PRKCE: variants seen among roughly 807,000 people sequenced by gnomAD.
PRKCE encodes protein kinase C epsilon.
A neutral mutation model predicts 85.4 loss-of-function variants in PRKCE; 16 were observed. The ratio of observed to expected loss-of-function variants is 0.19; its 90% CI spans 0.13 to 0.28. The LOEUF (loss-of-function observed/expected upper bound fraction) is 0.28, where lower values mean the gene tolerates loss of function less well. PRKCE is among the 10% of genes least tolerant of loss of function. PRKCE has a pLI of 1.00. For missense variants in PRKCE, 573 were observed against 975.2 expected (o/e 0.59, Z 5.49); for synonymous variants, 388 against 371.5 (o/e 1.04, Z -0.51).
chr2:45,844,803 C>T (rs1254915281), intron 2 of PRKCE, among the ~76,000 whole-genome samples: 2 of 152,110 alleles, frequency 1.3e-5, no homozygotes, highest in Non-Finnish European at 2.9e-5. Flanking sequence ...TAGAAGACAT[C>T]CTTTTTTACA....
chr2:46,012,097 T>C (rs968539460), intron 10 of PRKCE, among the ~76,000 whole-genome samples: 1 of 152,212 alleles, frequency 6.6e-6, no homozygotes, highest in East Asian at 1.9e-4. Context: ...TAATAGAGAC[T>C]CAGTGATGGA....
chr2:45,805,738 A>G (rs1020467139), intron 1 of PRKCE, among the ~76,000 whole-genome samples: 8 of 152,058 alleles, frequency 5.3e-5, no homozygotes, highest in African/African-American at 1.9e-4. Flanking sequence ...CTGGGATTAC[A>G]GGCACCTGCC....
At chr2:45,899,758 G>A (rs1173842318) in intron 2 of PRKCE, among the ~76,000 whole-genome samples, 1 of 152,178 alleles carries the variant, frequency 6.6e-6, no homozygotes, top group Non-Finnish European at 1.5e-5. Flanking sequence ...TGGGCCTGTA[G>A]GTAGTGCTGT....
chr2:45,853,156 C>T (rs376547962), intron 2 of PRKCE, among the ~76,000 whole-genome samples: 1 of 152,270 alleles, frequency 6.6e-6, no homozygotes, highest in East Asian at 1.9e-4. Context: ...GGAATCTTCT[C>T]CCTCCCCATT....
intron 8 of PRKCE, among the ~76,000 whole-genome samples, chr2:46,005,539 G>C (rs1028185564): frequency 2.0e-5 from 3 of 152,158 alleles, no homozygotes; most frequent in Non-Finnish European, 4.4e-5. Context: ...TGGGAGGTCA[G>C]AGTGTGGAAA....
In PRKCE at chr2:46,004,185, T is replaced by TGACAG; in HGVS notation, c.967-357_967-356insGACAG. The TGACAG allele has an allele frequency of 3.3e-6, 1 of 302,026 alleles. No homozygotes were observed. The highest frequency in any genetic ancestry group is 6.5e-6 in the Non-Finnish European group (1 of 153,866). 18.7% of individuals were successfully genotyped at this position (302,026 alleles called of 1,614,324 possible). On this transcript the variant is annotated intron_variant, in intron 7 of 14. Transcript: ENST00000306156. The surrounding 1 kb of genome is among the most constrained non-coding windows in gnomAD (Gnocchi z 4.1). ...AACCTGGACTACTTTTCCAGCTTGC[T>TGACAG]AACCTTTATGGTGTCCTCGCACAAC...
chr2:45,787,016 A>G (rs985613871), intron 1 of PRKCE, among the ~76,000 whole-genome samples: 1 of 152,212 alleles, frequency 6.6e-6, no homozygotes, highest in Non-Finnish European at 1.5e-5. Flanking sequence ...CCTGGATCCG[A>G]TGATCCTATG....
At chr2:45,913,578 T>C (rs1338440424) in intron 2 of PRKCE, among the ~76,000 whole-genome samples, 2 of 152,230 alleles carry the variant, frequency 1.3e-5, no homozygotes, top group East Asian at 3.8e-4. Flanking sequence ...TGAGAGCTGC[T>C]TCAAGTCTTG....
intron 1 of PRKCE, among the ~76,000 whole-genome samples, chr2:45,831,730 A>G (rs1238043199): frequency 6.6e-6 from 1 of 152,204 alleles, no homozygotes; most frequent in Non-Finnish European, 1.5e-5. Flanking sequence ...AGTGACCACC[A>G]GAGAAACCTA....
chr2:45,882,592 G>C (rs1039599030), intron 2 of PRKCE, among the ~76,000 whole-genome samples: 1 of 152,228 alleles, frequency 6.6e-6, no homozygotes, highest in Non-Finnish European at 1.5e-5. Flanking sequence ...CTTTCTACTA[G>C]ATGCTTTTCT....
At chr2:45,970,805 C>T (rs560627564) in intron 2 of PRKCE, among the ~76,000 whole-genome samples, 4 of 151,352 alleles carry the variant, frequency 2.6e-5, no homozygotes, top group East Asian at 1.9e-4. Context: ...AGTGTCACTA[C>T]GTCTATAACC....
At chr2:46,042,276 T>C (rs146175281) in intron 10 of PRKCE, among the ~76,000 whole-genome samples, 358 of 152,312 alleles carry the variant, frequency 2.4e-3, no homozygotes, top group African/African-American at 8.4e-3. Flanking sequence ...TCTCCCCTCC[T>C]GTTCACTCTT....
intron 1 of PRKCE, among the ~76,000 whole-genome samples, chr2:45,749,717 C>T (rs1342483264): frequency 6.6e-6 from 1 of 152,226 alleles, no homozygotes; most frequent in East Asian, 1.9e-4. Context: ...AAAGTGAATT[C>T]TCCAGAGTTT....
chr2:45,831,421 C>T (rs574475669), intron 1 of PRKCE, among the ~76,000 whole-genome samples: 6 of 152,126 alleles, frequency 3.9e-5, no homozygotes, highest in Non-Finnish European at 7.3e-5. Context: ...GGGTGGCAGG[C>T]AGAGGATGGG....
chr2:45,932,287 T>A (rs1699104077), intron 2 of PRKCE, among the ~76,000 whole-genome samples: 1 of 152,250 alleles, frequency 6.6e-6, no homozygotes, highest in South Asian at 2.1e-4. Flanking sequence ...GACTAGTCCA[T>A]TGTGGGAATA....
chr2:46,035,413 G>C (rs779452043), intron 10 of PRKCE, among the ~76,000 whole-genome samples: 8 of 152,198 alleles, frequency 5.3e-5, no homozygotes, highest in Non-Finnish European at 8.8e-5. Context: ...CCATACCCCA[G>C]GGCAGGCTCT....
intron 10 of PRKCE, among the ~76,000 whole-genome samples, chr2:46,031,347 A>G (rs1371418854): frequency 1.3e-5 from 2 of 152,110 alleles, no homozygotes; most frequent in Admixed American, 1.3e-4. Context: ...TCTGCCTGAG[A>G]TGCCCCAGCC....
At chr2:45,842,030 G>T (rs764097954) in intron 1 of PRKCE, among the ~76,000 whole-genome samples, 16 of 151,602 alleles carry the variant, frequency 1.1e-4, no homozygotes, top group Non-Finnish European at 1.9e-4. Flanking sequence ...GGAGAGGCTA[G>T]CAGGGGGACT....
chr2:45,712,185 T>C (rs1213991523), intron 1 of PRKCE, among the ~76,000 whole-genome samples: 2 of 141,278 alleles, frequency 1.4e-5, no homozygotes, highest in Non-Finnish European at 3.1e-5. Flanking sequence ...TTTGCTCTTG[T>C]TCCCCAGGCT....
Sources: allele counts gnomAD v4.1 joint callset (sites outside exome capture counted in the v4.1 genomes callset), GRCh38; gene constraint gnomAD v4.1.1; non-coding constraint Gnocchi (gnomAD v3.1); transcripts MANE v1.5; gene names NCBI Gene and HGNC (gene_info 2026-07-23, HGNC 2026-07-21).